ADAM12: variants seen among roughly 807,000 people sequenced by gnomAD.
ADAM12 encodes disintegrin and metalloproteinase domain-containing protein 12.
Under a neutral mutation model 106.4 loss-of-function variants are expected in ADAM12, and 70 were observed. The observed-to-expected ratio is 0.66, with a 90% CI of 0.54 to 0.80. The LOEUF (loss-of-function observed/expected upper bound fraction) is 0.80, where lower values mean the gene tolerates loss of function less well. Among genes scored for constraint, ADAM12 ranks in the 30% least tolerant of loss-of-function variants. ADAM12 has a pLI of 0.00. For missense variants in ADAM12, 1,010 were observed against 1,171.9 expected, an observed-to-expected ratio of 0.86 and a Z score of 2.02; for synonymous variants, 420 against 433.5, an observed-to-expected ratio of 0.97 and a Z score of 0.39.
intron 2 of ADAM12, among the ~76,000 whole-genome samples, chr10:126,305,583 C>T (rs1960810567): frequency 6.6e-6 from 1 of 152,010 alleles, no homozygotes; most frequent in African/African-American, 2.4e-5. Context: ...GGTGTATATA[C>T]TTGTCAAAAT....
intron 1 of ADAM12, among the ~76,000 whole-genome samples, chr10:126,381,411 G>A (rs1023574527): frequency 6.6e-6 from 1 of 152,140 alleles, no homozygotes; most frequent in Non-Finnish European, 1.5e-5. Context: ...GGCTGCGGCA[G>A]GAGGATGCTT....
At chr10:126,158,415 A>T (rs1218359908) in intron 3 of ADAM12, among the ~76,000 whole-genome samples, 1 of 87,376 alleles carries the variant, frequency 1.1e-5, no homozygotes, top group Non-Finnish European at 2.4e-5. Context: ...GAGCACGGAG[A>T]GAGGATGCAC....
At chr10:126,071,327 C>A in intron 12 of ADAM12, 150 bp downstream of exon 12, 1 of 861,658 alleles carries the variant, frequency 1.2e-6, no homozygotes, top group East Asian at 2.5e-5. Context: ...CACCCTAGCT[C>A]ACGGGGCTTG....
chr10:126,217,146 T>C (rs1958001828), intron 3 of ADAM12, among the ~76,000 whole-genome samples: 1 of 152,194 alleles, frequency 6.6e-6, no homozygotes. Flanking sequence ...TTAAGATGAA[T>C]GCACTTTTAT....
intron 3 of ADAM12, among the ~76,000 whole-genome samples, chr10:126,254,988 C>T (rs1958862060): frequency 6.6e-6 from 1 of 152,226 alleles, no homozygotes; most frequent in South Asian, 2.1e-4. Context: ...CCATAGTTCG[C>T]CCCGGTCACC....
chr10:126,258,164 C>T (rs1021921343), intron 3 of ADAM12, among the ~76,000 whole-genome samples: 1 of 152,202 alleles, frequency 6.6e-6, no homozygotes, highest in East Asian at 1.9e-4. Context: ...TTCAGGCACA[C>T]ATTTAAAATA....
At chr10:126,278,878 C>T (rs1299062573) in intron 3 of ADAM12, 37 bp downstream of exon 3, 1 of 1,509,772 alleles carries the variant, frequency 6.6e-7, no homozygotes, top group Non-Finnish European at 9.1e-7. Context: ...GGTGTCTTAA[C>T]TTTCTCCTAT....
At chr10:126,204,190 CCA>C (rs1361742980) in intron 3 of ADAM12, among the ~76,000 whole-genome samples, 1 of 152,168 alleles carries the variant, frequency 6.6e-6, no homozygotes, top group Non-Finnish European at 1.5e-5. Flanking sequence ...GCAGCCAGCT[CCA>C]GTCAGTGGAT....
chr10:126,038,420 G>T, intron 19 of ADAM12, 71 bp from the exon 20 acceptor site: 2 of 1,204,850 alleles, frequency 1.7e-6, no homozygotes, highest in Non-Finnish European at 2.3e-6. Context: ...TTTACACTTT[G>T]CTCATAGTGG....
At chr10:126,050,889 G>C (rs74158094) in intron 14 of ADAM12, among the ~76,000 whole-genome samples, 4,017 of 152,224 alleles carry the variant, frequency 0.026, 182 homozygotes, top group African/African-American at 0.09. Flanking sequence ...AGCCATGTTA[G>C]AGAAGCCTCT....
intron 4 of ADAM12, among the ~76,000 whole-genome samples, chr10:126,137,710 T>C (rs1329149124): frequency 6.6e-6 from 1 of 152,234 alleles, no homozygotes; most frequent in South Asian, 2.1e-4. Context: ...GAGGCATGCA[T>C]TAGAATGTCA....
At chr10:126,105,170 C>T (rs79009324) in intron 8 of ADAM12, among the ~76,000 whole-genome samples, 6 of 152,176 alleles carry the variant, frequency 3.9e-5, no homozygotes, top group Non-Finnish European at 8.8e-5. Context: ...AGGACTTTTC[C>T]GAGGCACAGT....
intron 3 of ADAM12, among the ~76,000 whole-genome samples, chr10:126,212,464 T>C (rs1421303570): frequency 6.6e-6 from 1 of 152,230 alleles, no homozygotes; most frequent in Non-Finnish European, 1.5e-5. Flanking sequence ...TTATCTTGAT[T>C]AAACATTGGT....
At chr10:126,311,341 CA>C (rs1199098494) in intron 2 of ADAM12, among the ~76,000 whole-genome samples, 1 of 151,982 alleles carries the variant, frequency 6.6e-6, no homozygotes, top group Admixed American at 6.6e-5. Context: ...ATCTAATCTC[CA>C]AAAAACAATT....
rs541164548 is a variant in ADAM12 at position 126,219,958 on chromosome 10, C to T, written c.260+58957G>A. 3.3e-5 allele frequency among the ~76,000 whole-genome samples: 5 copies of T among 152,274 alleles called. No individual in the cohort carries two copies. In the South Asian group the frequency reaches 1.0e-3, roughly 32 times the overall value. ...ACTGGGAATTGGAAATGAGATGGAA[C>T]CAATGGGGAGACAGGAGCTGGAAAA... On this transcript the variant is annotated intron_variant, in intron 3 of 22. Transcript: ENST00000448723.
intron 2 of ADAM12, among the ~76,000 whole-genome samples, chr10:126,303,733 T>G (rs1396723412): frequency 1.3e-5 from 2 of 152,188 alleles, no homozygotes; most frequent in South Asian, 2.1e-4. Flanking sequence ...TAGCAAAGCC[T>G]CTCTTTACCT....
chr10:126,276,428 T>C (rs1429575904), intron 3 of ADAM12, among the ~76,000 whole-genome samples: 1 of 152,246 alleles, frequency 6.6e-6, no homozygotes, highest in Non-Finnish European at 1.5e-5. Context: ...CAGCATTACA[T>C]GCTAGTAGTG....
chr10:126,262,689 G>C (rs143640922), intron 3 of ADAM12, among the ~76,000 whole-genome samples: 6 of 152,244 alleles, frequency 3.9e-5, no homozygotes, highest in Admixed American at 2.6e-4. Context: ...AGTCCCAGAG[G>C]CTTCCCAGTG....
intron 4 of ADAM12, among the ~76,000 whole-genome samples, chr10:126,146,637 C>T (rs369971015): frequency 7.2e-5 from 11 of 152,174 alleles, no homozygotes; most frequent in African/African-American, 1.7e-4. Flanking sequence ...TTCAGCACAC[C>T]GGTGGCACAA....
Sources: gnomAD v4.1 joint callset for allele counts (sites outside exome capture counted in the v4.1 genomes callset) on GRCh38, gnomAD v4.1.1 for gene constraint, MANE v1.5 for transcripts, NCBI Gene and HGNC (gene_info 2026-07-23, HGNC 2026-07-21) for gene names.